Variants in CECR2 observed in about 807,000 individuals in gnomAD.
CECR2 encodes CECR2 histone acetyl-lysine reader.
A neutral mutation model predicts 154.5 loss-of-function variants in CECR2; 30 were observed. That is an observed-to-expected ratio of 0.19 (90% CI 0.15 to 0.26). The LOEUF (loss-of-function observed/expected upper bound fraction) is 0.26. Ranked by LOEUF, CECR2 falls within the 10% of genes least tolerant of loss-of-function variation. The pLI is 1.00. For missense variants in CECR2, 1,743 were observed against 1,829.3 expected (o/e 0.95, Z 0.86); for synonymous variants, 725 against 683.7 (o/e 1.06, Z -0.94).
intron 1 of CECR2, among the ~76,000 whole-genome samples, chr22:17,372,333 A>T (rs1185534178): frequency 2.6e-5 from 4 of 152,160 alleles, no homozygotes; most frequent in African/African-American, 9.7e-5. Flanking sequence ...TTAGAATTTT[A>T]TTGGGAATGA....
chr22:17,405,475 T>TATAAA (rs58105947), intron 1 of CECR2, among the ~76,000 whole-genome samples: 3,862 of 147,322 alleles, frequency 0.026, 189 homozygotes, highest in African/African-American at 0.091. Flanking sequence ...TAAAATAAAA[T>TATAAA]ATAAAATAAA....
intron 8 of CECR2, among the ~76,000 whole-genome samples, chr22:17,513,716 G>T (rs1268532003): frequency 6.6e-6 from 1 of 152,062 alleles, no homozygotes; most frequent in Admixed American, 6.6e-5. Flanking sequence ...TGGTTTTCTA[G>T]CCTGGCCTTG....
At chr22:17,501,551 C>CCATCTCAAAAAAAAG (rs1297373408) in intron 5 of CECR2, among the ~76,000 whole-genome samples, 1 of 151,782 alleles carries the variant, frequency 6.6e-6, no homozygotes, top group Non-Finnish European at 1.5e-5. Flanking sequence ...CAGCGATACT[C>CCATCTCAAAAAAAAG]CATCTCAAAA....
chr22:17,483,783 C>T (rs986517075), intron 2 of CECR2, among the ~76,000 whole-genome samples: 1 of 152,118 alleles, frequency 6.6e-6, no homozygotes, highest in Non-Finnish European at 1.5e-5. Context: ...AGAAAGTTTA[C>T]AGTGATGTAC....
chr22:17,389,550 A>G (rs376042543), intron 1 of CECR2, among the ~76,000 whole-genome samples: 19 of 152,226 alleles, frequency 1.2e-4, no homozygotes, highest in East Asian at 1.2e-3. Flanking sequence ...GGCTCAAGCA[A>G]TCCTTCTGAC....
At chr22:17,482,419 A>G (rs568923634) in intron 2 of CECR2, among the ~76,000 whole-genome samples, 2 of 152,292 alleles carry the variant, frequency 1.3e-5, no homozygotes, top group South Asian at 4.1e-4. Flanking sequence ...GCGAGACAAG[A>G]CATAGCATAT....
At chr22:17,502,452 GAACA>G (rs561928379) in intron 5 of CECR2, among the ~76,000 whole-genome samples, 67 of 152,102 alleles carry the variant, frequency 4.4e-4, no homozygotes, top group African/African-American at 1.5e-3. Flanking sequence ...TAAAAAACAA[GAACA>G]AACAAACAAA....
At chr22:17,371,044 C>G (rs923432325) in intron 1 of CECR2, among the ~76,000 whole-genome samples, 1 of 152,080 alleles carries the variant, frequency 6.6e-6, no homozygotes, top group Non-Finnish European at 1.5e-5. Flanking sequence ...TGTTGCCTCC[C>G]CAGCCCCACG....
intron 1 of CECR2, among the ~76,000 whole-genome samples, chr22:17,395,735 A>G (rs1601281588): frequency 1.3e-5 from 2 of 152,164 alleles, no homozygotes; most frequent in Non-Finnish European, 2.9e-5. Flanking sequence ...CAGAAAAAAA[A>G]TTTTGTAATA....
At chr22:17,477,737 C>A (rs547796727) in intron 2 of CECR2, 55 bp downstream of exon 2, 8 of 1,248,300 alleles carry the variant, frequency 6.4e-6, no homozygotes, top group Non-Finnish European at 9.4e-6. Flanking sequence ...AATTAACCAA[C>A]CATAGTGATG....
At chr22:17,546,682 G>A (rs944014237) in intron 16 of CECR2, among the ~76,000 whole-genome samples, 1 of 152,012 alleles carries the variant, frequency 6.6e-6, no homozygotes, top group Non-Finnish European at 1.5e-5. Flanking sequence ...TTGTGCTTCA[G>A]ATCTGTTACC....
At chr22:17,395,899 C>A (rs1020110336) in intron 1 of CECR2, among the ~76,000 whole-genome samples, 6 of 151,826 alleles carry the variant, frequency 4.0e-5, no homozygotes, top group African/African-American at 1.2e-4. Context: ...CATGAATATT[C>A]TTTCTCATTC....
chr22:17,461,203 T>C (rs150529782), intron 1 of CECR2, among the ~76,000 whole-genome samples: 30 of 152,374 alleles, frequency 2.0e-4, no homozygotes, highest in Middle Eastern at 3.4e-3. Context: ...TTCTCTTCTC[T>C]TTCTCTGTTG....
At chr22:17,524,820 C>T in intron 9 of CECR2, 1 of 386,888 alleles carries the variant, frequency 2.6e-6, no homozygotes, top group Non-Finnish European at 5.2e-6. Flanking sequence ...TATAGGCGTG[C>T]CACCACACCC....
intron 2 of CECR2, among the ~76,000 whole-genome samples, chr22:17,483,444 T>C (rs540170887): frequency 3.3e-5 from 5 of 152,116 alleles, no homozygotes; most frequent in African/African-American, 9.6e-5. Context: ...GCAAGACCCC[T>C]GTCTCTACTA....
chr22:17,364,833 C>CA (rs1362391164), upstream of CECR2, among the ~76,000 whole-genome samples: 3 of 150,270 alleles, frequency 2.0e-5, no homozygotes, highest in African/African-American at 7.3e-5. Flanking sequence ...TCTCAAAAAA[C>CA]AAAAAACAAA....
chr22:17,474,458 C>T (rs1260212424), intron 1 of CECR2, among the ~76,000 whole-genome samples: 1 of 152,110 alleles, frequency 6.6e-6, no homozygotes, highest in East Asian at 1.9e-4. Context: ...ACCATTTAAG[C>T]CTATTCGATT....
upstream of CECR2, among the ~76,000 whole-genome samples, chr22:17,366,933 A>G (rs2146424677): frequency 6.6e-6 from 1 of 152,262 alleles, no homozygotes; most frequent in East Asian, 1.9e-4. Context: ...TAGGGAAAAA[A>G]CTGTAGAGAC....
intron 1 of CECR2, among the ~76,000 whole-genome samples, chr22:17,427,351 G>A (rs1263933735): frequency 6.6e-6 from 1 of 152,140 alleles, no homozygotes; most frequent in Non-Finnish European, 1.5e-5. Context: ...ATAGTATCAT[G>A]ATTTATAATC....
Sources: gnomAD v4.1 joint callset for allele counts (sites outside exome capture counted in the v4.1 genomes callset) on GRCh38, gnomAD v4.1.1 for gene constraint, MANE v1.5 for transcripts, NCBI Gene and HGNC (gene_info 2026-07-23, HGNC 2026-07-21) for gene names.